CRLF2: variants seen among roughly 807,000 people sequenced by gnomAD.
The protein encoded by CRLF2 is cytokine receptor like factor 2.
CRLF2 carries 41 observed loss-of-function variants against 38.7 expected under a neutral mutation model. That is an observed-to-expected ratio of 1.06 (90% CI 0.83 to 1.37). CRLF2 has a LOEUF of 1.37. Ranked by LOEUF, CRLF2 falls within the 40% of genes most tolerant of loss-of-function variation. The pLI is 0.00. For synonymous variants in CRLF2, 140 were observed against 128.8 expected (o/e 1.09, Z -0.59); for missense variants, 377 against 322.2 (o/e 1.17, Z -1.30).
rs1192777792 is a variant in CRLF2, at chrX:1,198,624, C to A, written c.584G>T (p.Gly195Val). The A allele has an allele frequency of 6.2e-7, 1 of 1,613,590 alleles. No individual in the cohort carries two copies. Among genetic ancestry groups the A allele is most frequent in the Admixed American group, 1.7e-5 (1 of 59,974 alleles). ...CCAGTCGCTTGGGTATGTGTCTGGC[C>A]CATATACATCCTCCATAGCCTTCAC... ...VRVKAMEDVYGPDTYPSDWSE... is the reference protein window; with the variant it reads ...VRVKAMEDVYVPDTYPSDWSE... The change falls in exon 5 of 8, where the codon GGG becomes GTG. Residue 195 changes from glycine (G) to valine (V), a missense_variant. Physicochemically the swap from Gly to Val is moderately radical, Grantham distance 109 (BLOSUM62 -3). Coordinates refer to ENST00000400841, the MANE Select transcript of CRLF2 (RefSeq NM_022148.4).
intron 3 of CRLF2, among the ~76,000 whole-genome samples, chrX:1,205,955 G>A (rs2086683657): frequency 6.6e-6 from 1 of 151,736 alleles, no homozygotes; most frequent in Admixed American, 6.6e-5. Flanking sequence ...CAGTACTTAT[G>A]GTAATAACCT....
chrX:1,208,379 T>C (rs755949675), intron 2 of CRLF2, among the ~76,000 whole-genome samples: 1 of 152,030 alleles, frequency 6.6e-6, no homozygotes, highest in South Asian at 2.1e-4. Flanking sequence ...ACCAATATGG[T>C]GAATCACCAT....
At chrX:1,191,341 C>CT (rs1360341161) in intron 7 of CRLF2, among the ~76,000 whole-genome samples, 181 bp from the exon 8 acceptor site, 2 of 103,672 alleles carry the variant, frequency 1.9e-5, no homozygotes, top group Non-Finnish European at 4.1e-5. Flanking sequence ...TTCTTTCTTT[C>CT]TTTCCTTCTT....
intron 4 of CRLF2, chrX:1,199,074 G>T (rs1285992044): frequency 2.5e-6 from 1 of 401,300 alleles, no homozygotes; most frequent in Admixed American, 3.1e-5. Flanking sequence ...GCTTGAACCT[G>T]GGAGGCGAAG....
intron 6 of CRLF2, among the ~76,000 whole-genome samples, chrX:1,194,124 C>CA (rs1205744041): frequency 5.4e-5 from 8 of 147,042 alleles, no homozygotes; most frequent in Admixed American, 1.4e-4. Flanking sequence ...GACTCCATCT[C>CA]AAAAAAAATA....
At chrX:1,191,293 TTC>T (rs1299991576) in intron 7 of CRLF2, 133 bp from the exon 8 acceptor site, 8 of 290,488 alleles carry the variant, frequency 2.8e-5, no homozygotes, top group African/African-American at 1.7e-4. Flanking sequence ...TTCTTTTCTT[TTC>T]TCTTTCTTTC....
intron 6 of CRLF2, among the ~76,000 whole-genome samples, chrX:1,195,759 T>G (rs1319115232): frequency 7.6e-6 from 1 of 132,096 alleles, no homozygotes; most frequent in African/African-American, 2.6e-5. Context: ...ATATATATTT[T>G]TATATTATAT....
intron 3 of CRLF2, among the ~76,000 whole-genome samples, chrX:1,204,900 G>A (rs1569471616): frequency 6.6e-6 from 1 of 151,848 alleles, no homozygotes; most frequent in Non-Finnish European, 1.5e-5. Flanking sequence ...GCTCACTGCA[G>A]CCTCTGCCTC....
chrX:1,198,938 C>A (rs553766525), intron 4 of CRLF2: 2 of 590,724 alleles, frequency 3.4e-6, no homozygotes, highest in South Asian at 3.9e-5. Flanking sequence ...CACCTGAGGT[C>A]GCAAGTTCGA....
At chrX:1,200,678 C>CTG (rs1260310951) in intron 4 of CRLF2, among the ~76,000 whole-genome samples, 1 of 58,542 alleles carries the variant, frequency 1.7e-5, no homozygotes, top group Non-Finnish European at 3.7e-5. Context: ...TGTATATAAG[C>CTG]TGTGTGTGTG....
At chrX:1,199,526 C>T (rs2086562869) in intron 4 of CRLF2, among the ~76,000 whole-genome samples, 1 of 152,016 alleles carries the variant, frequency 6.6e-6, no homozygotes. Context: ...GTCTTGAACT[C>T]CTGACCTCAG....
chrX:1,204,464 G>A (rs751295093), intron 3 of CRLF2, among the ~76,000 whole-genome samples: 3 of 152,196 alleles, frequency 2.0e-5, no homozygotes, highest in South Asian at 4.1e-4. Flanking sequence ...CCCACGTCAC[G>A]TGATCCCCCT....
Position 1,198,736 on chromosome X carries a change from T to TACATAC in CRLF2, c.484-13_484-12insGTATGT, listed in dbSNP as rs2086546155. ...TTTTCCTGTTTGGACTGGAGAAACA[T>TACATAC]ACACACACACACACACACACACACA... On this transcript the variant is annotated splice_polypyrimidine_tract_variant and intron_variant, in intron 4 of 7. Coordinates refer to ENST00000400841, the MANE Select transcript of CRLF2 (RefSeq NM_022148.4). The TACATAC allele has an allele frequency of 2.4e-6, 2 of 826,962 alleles. No individual in the cohort carries two copies. Among genetic ancestry groups the TACATAC allele is most frequent in the Admixed American group, 5.0e-5 (2 of 40,180 alleles). 51.2% of individuals were successfully genotyped at this position (826,962 alleles called of 1,614,324 possible). A position where few individuals can be genotyped will look rare whatever the true frequency, so the allele number is the denominator to read the frequency against.
At chrX:1,197,610 TC>T in intron 5 of CRLF2, among the ~76,000 whole-genome samples, 1 of 151,620 alleles carries the variant, frequency 6.6e-6, no homozygotes, top group Non-Finnish European at 1.5e-5. Context: ...GGTCAGGAGT[TC>T]GAGACCAGCC....
At chrX:1,191,305 C>CTTTCTT (rs1556415465) in intron 7 of CRLF2, 145 bp from the exon 8 acceptor site, 2 of 353,632 alleles carry the variant, frequency 5.7e-6, no homozygotes, top group Non-Finnish European at 9.5e-6. Context: ...CTCTTTCTTT[C>CTTTCTT]TTTCTTTCTT....
chrX:1,192,034 T>TGC (rs2086390728), intron 7 of CRLF2, among the ~76,000 whole-genome samples: 12 of 145,024 alleles, frequency 8.3e-5, no homozygotes, highest in Non-Finnish European at 1.7e-4. Flanking sequence ...TGAAACCCCA[T>TGC]CTCTACGAAA....
chrX:1,202,387 G>A lies in CRLF2; in HGVS notation c.483+15C>T, dbSNP rs371710708. ...CTCAGCCACCATCGCCCTGAGTCGC[G>A]GCCGCCCGGCTCACCTGCCACTCGG... On this transcript the variant is annotated intron_variant, in intron 4 of 7. Transcript: ENST00000400841. The A allele has an allele frequency of 1.2e-5, 20 of 1,613,226 alleles. No homozygotes were observed. Among genetic ancestry groups the A allele is most frequent in the Admixed American group, 8.3e-5 (5 of 59,946 alleles).
chrX:1,194,729 T>C (rs1361921395), intron 6 of CRLF2, among the ~76,000 whole-genome samples: 1 of 151,874 alleles, frequency 6.6e-6, no homozygotes, highest in Non-Finnish European at 1.5e-5. Flanking sequence ...AGGGCTGAGG[T>C]CTTTATAAGA....
At chrX:1,192,455 A>T (rs2086401315) in intron 7 of CRLF2, among the ~76,000 whole-genome samples, 1 of 151,082 alleles carries the variant, frequency 6.6e-6, no homozygotes, top group African/African-American at 2.4e-5. Context: ...TCTGTACTAA[A>T]AATACAAAAA....
Sources: allele counts gnomAD v4.1 joint callset (sites outside exome capture counted in the v4.1 genomes callset), GRCh38; gene constraint gnomAD v4.1.1; transcripts MANE v1.5; gene names NCBI Gene and HGNC (gene_info 2026-07-23, HGNC 2026-07-21).